The following DENND2B variants were observed in gnomAD, a reference collection of about 807,000 sequenced individuals.
The protein encoded by DENND2B is DENN domain-containing protein 2B.
DENND2B carries 32 observed loss-of-function variants against 116.0 expected under a neutral mutation model. The observed-to-expected ratio is 0.28, with a 90% CI of 0.21 to 0.37. The LOEUF (loss-of-function observed/expected upper bound fraction) is 0.37. Ranked by LOEUF, DENND2B falls within the 10% of genes least tolerant of loss-of-function variation. DENND2B has a pLI of 1.00. For missense variants in DENND2B, 1,276 were observed against 1,477.7 expected (o/e 0.86, Z 2.24); for synonymous variants, 588 against 583.9 (o/e 1.01, Z -0.10).
chr11:8,852,161 C>T (rs1042104526), intron 3 of DENND2B, among the ~76,000 whole-genome samples: 11 of 152,272 alleles, frequency 7.2e-5, no homozygotes, highest in South Asian at 2.1e-4. Flanking sequence ...AAAATGAAAG[C>T]GCCTACTATG....
At chr11:8,812,774 C>G (rs2061436370), upstream of DENND2B, among the ~76,000 whole-genome samples, 1 of 152,186 alleles carries the variant, frequency 6.6e-6, no homozygotes, top group African/African-American at 2.4e-5. Context: ...AAAGCACTCT[C>G]AAGTCAGGAA....
At chr11:8,704,262 C>T (rs1026452190) in intron 13 of DENND2B, among the ~76,000 whole-genome samples, 1 of 152,180 alleles carries the variant, frequency 6.6e-6, no homozygotes, top group African/African-American at 2.4e-5. Context: ...CAGCCAAGCT[C>T]ATGTGGGTGG....
chr11:8,766,504 G>T, intron 1 of DENND2B: 2 of 787,614 alleles, frequency 2.5e-6, no homozygotes, highest in African/African-American at 1.8e-5. Context: ...TCAGACTTGG[G>T]CAATGTCCAC....
intron 5 of DENND2B, among the ~76,000 whole-genome samples, chr11:8,717,539 C>T (rs905514268): frequency 3.3e-5 from 5 of 152,194 alleles, no homozygotes; most frequent in African/African-American, 7.2e-5. Context: ...TGGTGGACAT[C>T]CTTGAGTGCA....
chr11:8,899,308 T>A (rs939708856), intron 1 of DENND2B, among the ~76,000 whole-genome samples: 1 of 150,614 alleles, frequency 6.6e-6, no homozygotes, highest in African/African-American at 2.4e-5. Flanking sequence ...CTGAAAACTT[T>A]ATAAATTTGA....
At chr11:8,867,789 C>T (rs1171323718) in intron 2 of DENND2B, among the ~76,000 whole-genome samples, 2 of 151,960 alleles carry the variant, frequency 1.3e-5, no homozygotes, top group Middle Eastern at 3.4e-3. Flanking sequence ...CACCATGTTG[C>T]CCAGGCTGGT....
chr11:8,757,712 G>A (rs1159195775), intron 1 of DENND2B, among the ~76,000 whole-genome samples: 1 of 152,172 alleles, frequency 6.6e-6, no homozygotes, highest in African/African-American at 2.4e-5. Flanking sequence ...CACAGGGTTA[G>A]TTACACTTTA....
At chr11:8,858,592 A>C (rs1277299414) in intron 2 of DENND2B, among the ~76,000 whole-genome samples, 1 of 152,208 alleles carries the variant, frequency 6.6e-6, no homozygotes, top group Non-Finnish European at 1.5e-5. Context: ...TAGACCACAC[A>C]AGAACTTGGT....
intron 1 of DENND2B, among the ~76,000 whole-genome samples, chr11:8,766,079 G>A (rs1039239626): frequency 1.3e-5 from 2 of 151,888 alleles, no homozygotes; most frequent in Non-Finnish European, 2.9e-5. Context: ...ATTTATTTTG[G>A]GCTATGGACA....
intron 1 of DENND2B, among the ~76,000 whole-genome samples, chr11:8,765,740 G>C (rs1483021358): frequency 1.3e-5 from 2 of 151,292 alleles, no homozygotes; most frequent in African/African-American, 4.9e-5. Context: ...ATACTCAATT[G>C]TTTAAACCTA....
chr11:8,904,472 C>A (rs1240575751), intron 1 of DENND2B, among the ~76,000 whole-genome samples: 3 of 152,134 alleles, frequency 2.0e-5, no homozygotes, highest in Non-Finnish European at 4.4e-5. Context: ...AAATATCATA[C>A]TTAATGGTAA....
At chr11:8,711,321 T>C (rs2043636280) in intron 9 of DENND2B, 90 bp from the exon 10 acceptor site, 2 of 1,076,966 alleles carry the variant, frequency 1.9e-6, no homozygotes, top group African/African-American at 1.5e-5. Flanking sequence ...GGGCCCTAGA[T>C]GCCACTGACT....
chr11:8,900,174 C>A (rs2064146776), intron 1 of DENND2B, among the ~76,000 whole-genome samples: 1 of 151,880 alleles, frequency 6.6e-6, no homozygotes, highest in Admixed American at 6.6e-5. Context: ...GCCTATAATC[C>A]CAACACTTTG....
chr11:8,778,248 T>C (rs1159605200), intron 1 of DENND2B, among the ~76,000 whole-genome samples: 1 of 152,228 alleles, frequency 6.6e-6, no homozygotes, highest in Non-Finnish European at 1.5e-5. Flanking sequence ...AACGAGCACC[T>C]AGTCTTTGAA....
chr11:8,699,438 C>T, intron 14 of DENND2B, 48 bp from the exon 15 acceptor site: 1 of 1,532,974 alleles, frequency 6.5e-7, no homozygotes, highest in Non-Finnish European at 8.7e-7. Context: ...GGCCCAGGAA[C>T]TTAGAGCTCG....
chr11:8,743,534 A>G (rs1238078811), intron 2 of DENND2B, among the ~76,000 whole-genome samples: 1 of 152,062 alleles, frequency 6.6e-6, no homozygotes, highest in African/African-American at 2.4e-5. Flanking sequence ...TGGGTGACAG[A>G]GTGAGACCCT....
chr11:8,810,210 T>C (rs2061269824), intron 1 of DENND2B: 1 of 152,078 alleles, frequency 6.6e-6, no homozygotes, highest in Admixed American at 6.5e-5. Flanking sequence ...TTTTTCCATA[T>C]AAAAGATTCT....
chr11:8,701,509 T>C (rs998489017), intron 14 of DENND2B, among the ~76,000 whole-genome samples: 1 of 151,988 alleles, frequency 6.6e-6, no homozygotes, highest in African/African-American at 2.4e-5. Context: ...TCTCCCTCTG[T>C]CTCTGTACTT....
Position 8,751,764 on chromosome 11 carries a change from C to T in DENND2B, c.-25-1039G>A, listed in dbSNP as rs527549650. Among the ~76,000 whole-genome samples the T allele has an allele frequency of 3.9e-5, 6 of 152,316 alleles. No homozygotes were observed. In the South Asian group the frequency reaches 1.2e-3, roughly 32 times the overall value. On this transcript the variant is annotated intron_variant, in intron 1 of 19. Transcript: ENST00000313726. ...AACAAAGAAGCCCAAGAAACTCCATCTCCATCCATCTCTCCTCATTCCTTA... is the reference window on the plus strand; with the variant it reads ...AACAAAGAAGCCCAAGAAACTCCATTTCCATCCATCTCTCCTCATTCCTTA...
Sources: gnomAD v4.1 joint callset for allele counts (sites outside exome capture counted in the v4.1 genomes callset) on GRCh38, gnomAD v4.1.1 for gene constraint, MANE v1.5 for transcripts, NCBI Gene and HGNC (gene_info 2026-07-23, HGNC 2026-07-21) for gene names.